ZC3H12B: variants seen among roughly 807,000 people sequenced by gnomAD.
The protein encoded by ZC3H12B is probable ribonuclease ZC3H12B.
Under a neutral mutation model 43.9 loss-of-function variants are expected in ZC3H12B, and 7 were observed. The observed-to-expected ratio is 0.16, with a 90% CI of 0.09 to 0.30. The LOEUF is 0.30. ZC3H12B is among the 10% of genes least tolerant of loss of function. The pLI, the probability that ZC3H12B is intolerant of heterozygous loss-of-function variation, is 1.00. For synonymous variants in ZC3H12B, 222 were observed against 241.7 expected (o/e 0.92, Z 0.76); for missense variants, 475 against 670.2 (o/e 0.71, Z 3.22).
At chrX:65,377,223 CAAAAA>C (rs374625728) in intron 2 of ZC3H12B, among the ~76,000 whole-genome samples, 4 of 88,452 alleles carry the variant, frequency 4.5e-5, no homozygotes, top group African/African-American at 1.7e-4. Context: ...TCCGAGGAGA[CAAAAA>C]AAAAAGAATA....
the ZC3H12B span, among the ~76,000 whole-genome samples, chrX:65,157,632 T>C: frequency 1.8e-5 from 2 of 111,593 alleles, no homozygotes; most frequent in African/African-American, 6.5e-5. Context: ...TATAGATAGA[T>C]TTTTCCATTT....
At chrX:65,124,217 T>C in the ZC3H12B span, among the ~76,000 whole-genome samples, 15 of 111,373 alleles carry the variant, frequency 1.3e-4, no homozygotes, top group South Asian at 3.7e-4. Context: ...TGGATTTTTT[T>C]AATGCCTTCT....
At chrX:65,414,249 C>T (rs956482142) in intron 3 of ZC3H12B, among the ~76,000 whole-genome samples, 5 of 107,065 alleles carry the variant, frequency 4.7e-5, no homozygotes, top group Admixed American at 2.9e-4. Context: ...GGGAAGTGTT[C>T]CCTCCTCTTC....
intron 2 of ZC3H12B, among the ~76,000 whole-genome samples, chrX:65,377,883 G>T (rs2066369251): frequency 1.8e-5 from 2 of 110,917 alleles, no homozygotes; most frequent in African/African-American, 3.3e-5. Flanking sequence ...CAGATCACGA[G>T]GTCAGGAGAT....
At chrX:65,118,294 A>G in the ZC3H12B span, among the ~76,000 whole-genome samples, 1 of 111,074 alleles carries the variant, frequency 9.0e-6, no homozygotes, top group Non-Finnish European at 1.9e-5. Flanking sequence ...CGTAAGTTGG[A>G]TTCTTAGGTA....
the ZC3H12B span, among the ~76,000 whole-genome samples, chrX:65,221,356 G>C: frequency 9.0e-6 from 1 of 111,401 alleles, no homozygotes; most frequent in Non-Finnish European, 1.9e-5. Context: ...GCCGAACTAA[G>C]TGAAATCGAA....
chrX:65,159,638 C>G, the ZC3H12B span, among the ~76,000 whole-genome samples: 1 of 111,878 alleles, frequency 8.9e-6, no homozygotes, highest in East Asian at 2.8e-4. Context: ...GCTGAAGTTG[C>G]TTATCAGCTT....
chrX:65,160,500 G>A, the ZC3H12B span, among the ~76,000 whole-genome samples: 4 of 111,819 alleles, frequency 3.6e-5, no homozygotes, highest in East Asian at 8.5e-4. Flanking sequence ...GAGGTTGTAT[G>A]TGTCGAGGAA....
the ZC3H12B span, among the ~76,000 whole-genome samples, chrX:65,192,612 T>G: frequency 8.9e-6 from 1 of 111,760 alleles, no homozygotes; most frequent in Non-Finnish European, 1.9e-5. Context: ...TATCATATGA[T>G]TTTTGTCCTT....
At chrX:65,063,563 A>T in the ZC3H12B span, among the ~76,000 whole-genome samples, 1 of 112,326 alleles carries the variant, frequency 8.9e-6, no homozygotes, top group African/African-American at 3.2e-5. Context: ...TCAGTTTGTC[A>T]GTATTTTAGT....
chrX:65,113,843 G>C, the ZC3H12B span, among the ~76,000 whole-genome samples: 2 of 106,412 alleles, frequency 1.9e-5, no homozygotes, highest in Non-Finnish European at 3.9e-5. Context: ...TAATGCTATT[G>C]CACACTTAAG....
At chrX:65,103,160 C>T in the ZC3H12B span, among the ~76,000 whole-genome samples, 35 of 111,373 alleles carry the variant, frequency 3.1e-4, no homozygotes, top group African/African-American at 1.0e-3. Context: ...GGGCTTATTT[C>T]GTCCCTTATC....
intron 3 of ZC3H12B, 65 bp downstream of exon 8, chrX:65,499,298 C>T: frequency 2.3e-6 from 2 of 853,579 alleles, no homozygotes; most frequent in East Asian, 6.8e-5. Context: ...TTTTAATAAA[C>T]ATTTACCAAA....
intron 3 of ZC3H12B, among the ~76,000 whole-genome samples, chrX:65,461,075 C>T (rs1306893360): frequency 2.7e-5 from 3 of 112,251 alleles, no homozygotes; most frequent in Non-Finnish European, 5.6e-5. Flanking sequence ...CAAAAGAAGA[C>T]ATTTATGCAG....
At chrX:65,129,277 A>G in the ZC3H12B span, among the ~76,000 whole-genome samples, 4 of 93,342 alleles carry the variant, frequency 4.3e-5, no homozygotes, top group Non-Finnish European at 7.7e-5. Context: ...ATATATACAT[A>G]TATACACACA....
chrX:65,275,810 C>T, the ZC3H12B span, among the ~76,000 whole-genome samples: 2 of 111,951 alleles, frequency 1.8e-5, no homozygotes, highest in Admixed American at 9.5e-5. Flanking sequence ...TAATATGAAA[C>T]GTCCAAAGGA....
chrX:65,485,387 G>A (rs2068111652), upstream of ZC3H12B, among the ~76,000 whole-genome samples: 1 of 111,969 alleles, frequency 8.9e-6, no homozygotes, highest in Non-Finnish European at 1.9e-5. Context: ...CAGAGTAGCT[G>A]GGACTACAGG....
chrX:65,416,514 G>T (rs1301116963), intron 3 of ZC3H12B, among the ~76,000 whole-genome samples: 2 of 110,546 alleles, frequency 1.8e-5, no homozygotes, highest in African/African-American at 6.6e-5. Flanking sequence ...GGGTGCGGTG[G>T]CTCACGCCTG....
At chrX:65,277,033 C>T in the ZC3H12B span, among the ~76,000 whole-genome samples, 1 of 111,449 alleles carries the variant, frequency 9.0e-6, no homozygotes, top group Non-Finnish European at 1.9e-5. Flanking sequence ...GAAAAAGGTA[C>T]TACATGCAAA....
Sources: allele counts gnomAD v4.1 joint callset (sites outside exome capture counted in the v4.1 genomes callset), GRCh38; gene constraint gnomAD v4.1.1; transcripts MANE v1.5; gene names NCBI Gene and HGNC (gene_info 2026-07-23, HGNC 2026-07-21).